KIF27: variants seen among roughly 807,000 people sequenced by gnomAD.
KIF27 encodes the protein kinesin-like protein KIF27.
Under a neutral mutation model 141.8 loss-of-function variants are expected in KIF27, and 84 were observed. That is an observed-to-expected ratio of 0.59 (90% confidence interval 0.50 to 0.71). The LOEUF (loss-of-function observed/expected upper bound fraction) is 0.71, where lower values mean the gene tolerates loss of function less well. Among genes scored for constraint, KIF27 ranks in the 30% least tolerant of loss-of-function variants. KIF27 has a pLI of 0.00. For missense variants in KIF27, 1,306 were observed against 1,628.4 expected (o/e 0.80, Z 3.41); for synonymous variants, 471 against 569.5 (o/e 0.83, Z 2.46).
At chr9:83,899,173 G>A (rs1953587015) in intron 5 of KIF27, among the ~76,000 whole-genome samples, 1 of 152,150 alleles carries the variant, frequency 6.6e-6, no homozygotes, top group Non-Finnish European at 1.5e-5. Flanking sequence ...AGTTTAATAT[G>A]TAGAGGCATA....
chr9:83,904,495 A>C (rs1435231250), intron 3 of KIF27, among the ~76,000 whole-genome samples: 1 of 151,934 alleles, frequency 6.6e-6, no homozygotes, highest in African/African-American at 2.4e-5. Flanking sequence ...TAGCCTCCCG[A>C]GTAGTTGGGA....
chr9:83,882,566 C>T (rs970375725), intron 10 of KIF27, among the ~76,000 whole-genome samples: 1 of 152,292 alleles, frequency 6.6e-6, no homozygotes. Flanking sequence ...TCCTCCTCAT[C>T]CTCCTTATCA....
intron 13 of KIF27, among the ~76,000 whole-genome samples, chr9:83,865,005 T>C (rs1331833821): frequency 6.6e-6 from 1 of 152,196 alleles, no homozygotes; most frequent in Non-Finnish European, 1.5e-5. Flanking sequence ...AACCCCTGCC[T>C]TTTTTTGTTT....
rs1347836977 is a variant in KIF27, at chr9:83,837,409, T to C, written c.3798A>G (p.Arg1266=). ...TTCCACTTAATTTCATACTTTCAGG[T>C]CTGGATGCCCATTTTAATTCTTCTG... The part of the protein sequence containing the change: ...MLSEELKWAS[R]PESMKLSGRE... The change falls in exon 18 of 18, where the codon AGA becomes AGG. Residue 1266 remains arginine, a synonymous_variant. Coordinates refer to ENST00000297814, the MANE Select transcript of KIF27 (RefSeq NM_017576.4). The C allele has an allele frequency of 1.2e-6, 2 of 1,612,730 alleles. No individual in the cohort carries two copies. The highest frequency in any genetic ancestry group is 2.2e-5 in the East Asian group (1 of 44,872).
chr9:83,847,307 G>C (rs1309750390), intron 16 of KIF27, among the ~76,000 whole-genome samples: 1 of 152,154 alleles, frequency 6.6e-6, no homozygotes, highest in Non-Finnish European at 1.5e-5. Context: ...ATATACACTT[G>C]TACTAAGAAA....
chr9:83,875,861 A>G (rs1033496183), intron 11 of KIF27, among the ~76,000 whole-genome samples: 4 of 152,140 alleles, frequency 2.6e-5, no homozygotes, highest in African/African-American at 9.7e-5. Flanking sequence ...AATGAATGAA[A>G]GTAGAAGTAA....
chr9:83,866,864 A>G (rs930241827), intron 13 of KIF27, among the ~76,000 whole-genome samples: 7 of 152,158 alleles, frequency 4.6e-5, no homozygotes, highest in Admixed American at 2.0e-4. Context: ...AAAATTAAAA[A>G]AAAAAATGAA....
At chr9:83,860,205 A>G (rs1949737126) in intron 13 of KIF27, 1 of 152,218 alleles carries the variant, frequency 6.6e-6, no homozygotes, top group Non-Finnish European at 1.5e-5. Context: ...ATATACTACC[A>G]TAAGGTTTAT....
chr9:83,902,557 G>GT (rs138070889), intron 4 of KIF27, among the ~76,000 whole-genome samples: 3 of 151,790 alleles, frequency 2.0e-5, no homozygotes, highest in Admixed American at 6.6e-5. Context: ...TAATTTGTTG[G>GT]TTTTTTTTAA....
intron 1 of KIF27, among the ~76,000 whole-genome samples, chr9:83,917,610 T>C (rs139026560): frequency 4.6e-5 from 7 of 152,308 alleles, no homozygotes; most frequent in Admixed American, 1.3e-4. Flanking sequence ...GACAGACATA[T>C]AGATCAACAG....
chr9:83,885,983 T>G (rs1952070378), intron 9 of KIF27, among the ~76,000 whole-genome samples: 1 of 151,572 alleles, frequency 6.6e-6, no homozygotes, highest in Non-Finnish European at 1.5e-5. Context: ...AGAAGCATCC[T>G]CTGCTTAGCT....
At chr9:83,862,092 T>C (rs1311591279) in intron 13 of KIF27, among the ~76,000 whole-genome samples, 1 of 151,872 alleles carries the variant, frequency 6.6e-6, no homozygotes. Flanking sequence ...GTCAGATGAG[T>C]AGATTGCAAA....
intron 11 of KIF27, among the ~76,000 whole-genome samples, chr9:83,875,405 A>G (rs1250204979): frequency 6.6e-6 from 1 of 152,192 alleles, no homozygotes; most frequent in Non-Finnish European, 1.5e-5. Context: ...GGAATCATGG[A>G]AAGGTAAGTA....
At chr9:83,898,583 G>A (rs374786788) in intron 5 of KIF27, 2 of 152,176 alleles carry the variant, frequency 1.3e-5, no homozygotes, top group East Asian at 3.8e-4. Context: ...TGGTTACCCA[G>A]CTGTTCTCTC....
intron 13 of KIF27, among the ~76,000 whole-genome samples, chr9:83,861,324 C>G (rs977738471): frequency 4.0e-5 from 6 of 151,480 alleles, no homozygotes; most frequent in Non-Finnish European, 5.9e-5. Context: ...TGCTATCCCT[C>G]CCCCCTTCCC....
chr9:83,855,416 G>T (rs1949088275), intron 14 of KIF27, among the ~76,000 whole-genome samples: 2 of 152,094 alleles, frequency 1.3e-5, no homozygotes, highest in South Asian at 4.2e-4. Flanking sequence ...CTAACCATAT[G>T]GAATTTGATG....
At chr9:83,856,538 C>A (rs553663603) in intron 14 of KIF27, among the ~76,000 whole-genome samples, 1 of 151,754 alleles carries the variant, frequency 6.6e-6, no homozygotes, top group Non-Finnish European at 1.5e-5. Flanking sequence ...GTCAGGAGAT[C>A]GAGACCATCT....
intron 11 of KIF27, among the ~76,000 whole-genome samples, chr9:83,878,828 T>C (rs1435965790): frequency 6.6e-6 from 1 of 151,836 alleles, no homozygotes; most frequent in Non-Finnish European, 1.5e-5. Context: ...TAGATAGTGG[T>C]GATGGTTGCA....
chr9:83,862,842 T>G (rs1950051719), intron 13 of KIF27, among the ~76,000 whole-genome samples: 1 of 152,338 alleles, frequency 6.6e-6, no homozygotes, highest in South Asian at 2.1e-4. Flanking sequence ...GTATCCTCTT[T>G]TATTTCATTG....
Sources: allele counts gnomAD v4.1 joint callset (sites outside exome capture counted in the v4.1 genomes callset), GRCh38; gene constraint gnomAD v4.1.1; transcripts MANE v1.5; gene names NCBI Gene and HGNC (gene_info 2026-07-23, HGNC 2026-07-21).